AFAP1L1: variants seen among roughly 807,000 people sequenced by gnomAD.
AFAP1L1 encodes actin filament associated protein 1 like 1.
AFAP1L1 carries 77 observed loss-of-function variants against 99.8 expected under a neutral mutation model. The observed-to-expected ratio is 0.77, with a 90% CI of 0.64 to 0.93. The LOEUF (loss-of-function observed/expected upper bound fraction) is 0.93, where lower values mean the gene tolerates loss of function less well. Ranked by LOEUF, AFAP1L1 falls within the 40% of genes least tolerant of loss-of-function variation. AFAP1L1 has a pLI of 0.00. For missense variants in AFAP1L1, 893 were observed against 996.8 expected, an observed-to-expected ratio of 0.90 and a Z score of 1.40; for synonymous variants, 373 against 395.3, an observed-to-expected ratio of 0.94 and a Z score of 0.67.
Position 149,320,783 on chromosome 5 carries a change from C to T in AFAP1L1, c.1698+320C>T, listed in dbSNP as rs1190473716. On this transcript the variant is annotated intron_variant, in intron 14 of 18. Transcript: ENST00000296721. This position sits in a 1 kb window ranked among gnomAD's most constrained non-coding sequence, Gnocchi z 4.0. Reference sequence around the variant, plus strand: ...CTCCTCCTGTTTACCACTCTGTGAACTTATCCTGCTGATTCCGTGGTGTCT... The same window carrying T: ...CTCCTCCTGTTTACCACTCTGTGAATTTATCCTGCTGATTCCGTGGTGTCT... 2.0e-5 allele frequency among the ~76,000 whole-genome samples: 3 copies of T among 152,232 alleles called. No individual in the cohort carries two copies. The highest frequency in any genetic ancestry group is 2.9e-5 in the Non-Finnish European group (2 of 68,048).
chr5:149,298,207 T>C (rs1561666753), intron 1 of AFAP1L1, among the ~76,000 whole-genome samples: 1 of 152,188 alleles, frequency 6.6e-6, no homozygotes, highest in African/African-American at 2.4e-5. Context: ...GAACAGCACA[T>C]GGAGTTAGGA....
At position 149,320,467 on chromosome 5, in the gene AFAP1L1, C is replaced by T; in HGVS notation, c.1698+4C>T. On this transcript the variant is annotated splice_donor_region_variant and intron_variant, in intron 14 of 18. Transcript: ENST00000296721. The surrounding 1 kb of genome is among the most constrained non-coding windows in gnomAD (Gnocchi z 4.0). ...TGTTCCTTATGAAAAGATGCAGGTA[C>T]AGTCCCTTGGGGCTGCCCAGGAATG... is the stretch of plus-strand genomic sequence containing the variant. 6.2e-7 allele frequency: 1 copy of T among 1,614,140 alleles called. No homozygotes were observed. Among genetic ancestry groups the T allele is most frequent in the Non-Finnish European group, 8.5e-7 (1 of 1,179,992 alleles).
intron 12 of AFAP1L1, among the ~76,000 whole-genome samples, chr5:149,318,907 A>G (rs1036293134): frequency 2.6e-5 from 4 of 151,452 alleles, no homozygotes; most frequent in African/African-American, 9.7e-5. Context: ...TCTGCCCAAG[A>G]CCCCCTGCCT....
intron 8 of AFAP1L1, among the ~76,000 whole-genome samples, chr5:149,311,060 C>G (rs1346608925): frequency 6.6e-6 from 1 of 152,056 alleles, no homozygotes; most frequent in South Asian, 2.1e-4. Context: ...GATGCCCCAC[C>G]CCCCATTCCT....
At chr5:149,282,177 G>A (rs1755538797) in intron 1 of AFAP1L1, among the ~76,000 whole-genome samples, 1 of 152,192 alleles carries the variant, frequency 6.6e-6, no homozygotes, top group Admixed American at 6.5e-5. Flanking sequence ...CTGCGGCAGG[G>A]GCAGAATGTG....
chr5:149,324,788 C>T (rs950135225), intron 15 of AFAP1L1, among the ~76,000 whole-genome samples: 3 of 152,134 alleles, frequency 2.0e-5, no homozygotes, highest in African/African-American at 7.2e-5. Context: ...TGGAAGGAGG[C>T]CTCAGTTCTT....
At chr5:149,275,840 G>T (rs1405505397) in intron 1 of AFAP1L1, among the ~76,000 whole-genome samples, 1 of 152,102 alleles carries the variant, frequency 6.6e-6, no homozygotes, top group East Asian at 1.9e-4. Flanking sequence ...AGTCCTATTG[G>T]ATTAGAGCTC....
At chr5:149,315,186 G>A (rs1367017849) in intron 9 of AFAP1L1, among the ~76,000 whole-genome samples, 1 of 152,136 alleles carries the variant, frequency 6.6e-6, no homozygotes, top group Non-Finnish European at 1.5e-5. Flanking sequence ...ACTAATTTGG[G>A]CTGGCAATGA....
In AFAP1L1 at chr5:149,340,458, A is replaced by AGTT. The variant is rs941527363; in HGVS notation, c.*429_*430insTTG. ...ATTGGTGGTGCAGTGTAAAGAGACA[A>AGTT]GACCTGATCATCTGATCACACTTGT... On this transcript the variant is annotated 3_prime_UTR_variant, in exon 19 of 19. Transcript: ENST00000296721. 1.8e-5 allele frequency: 3 copies of AGTT among 168,636 alleles called. No homozygotes were observed. The highest frequency in any genetic ancestry group is 3.9e-5 in the Non-Finnish European group (3 of 77,206). 10.4% of individuals were successfully genotyped at this position (168,636 alleles called of 1,614,324 possible).
intron 7 of AFAP1L1, among the ~76,000 whole-genome samples, chr5:149,309,640 T>A (rs189717312): frequency 5.6e-4 from 85 of 152,372 alleles, no homozygotes; most frequent in African/African-American, 1.9e-3. Flanking sequence ...GATTTTTAAC[T>A]GGCTTCCTCC....
chr5:149,312,388 C>A, intron 9 of AFAP1L1, 184 bp downstream of exon 9: 1 of 670,800 alleles, frequency 1.5e-6, no homozygotes, highest in Non-Finnish European at 2.7e-6. Context: ...AATGCATGAA[C>A]AAACGAGTGC....
intron 1 of AFAP1L1, among the ~76,000 whole-genome samples, chr5:149,282,823 A>G (rs1755562308): frequency 6.6e-6 from 1 of 152,232 alleles, no homozygotes; most frequent in Non-Finnish European, 1.5e-5. Flanking sequence ...CCAAGGAATG[A>G]AGCACTGTCC....
intron 18 of AFAP1L1, 25 bp from the exon 19 acceptor site, chr5:149,339,982 T>C (rs754766602): frequency 1.2e-6 from 2 of 1,613,788 alleles, no homozygotes; most frequent in Non-Finnish European, 1.7e-6. Context: ...AGCAAATTGA[T>C]TTGTCTTCTC....
intron 1 of AFAP1L1, among the ~76,000 whole-genome samples, chr5:149,277,333 C>T (rs989315339): frequency 1.3e-5 from 2 of 152,182 alleles, no homozygotes; most frequent in African/African-American, 4.8e-5. Context: ...TTTCATTGCT[C>T]AACAGATGAT....
intron 9 of AFAP1L1, among the ~76,000 whole-genome samples, chr5:149,312,547 C>T (rs749157652): frequency 8.5e-5 from 13 of 152,080 alleles, no homozygotes; most frequent in Non-Finnish European, 1.9e-4. Flanking sequence ...TTTGGGAGGC[C>T]AAGGTGGGCA....
chr5:149,324,230 A>G (rs995430742), intron 15 of AFAP1L1, among the ~76,000 whole-genome samples: 2 of 152,238 alleles, frequency 1.3e-5, no homozygotes, highest in African/African-American at 4.8e-5. Context: ...CTTATAAATA[A>G]CAGAAATTTA....
intron 1 of AFAP1L1, among the ~76,000 whole-genome samples, chr5:149,285,654 C>T (rs945547351): frequency 6.6e-6 from 1 of 152,158 alleles, no homozygotes; most frequent in Admixed American, 6.5e-5. Context: ...GAAAGGGACA[C>T]CTATCTGCCT....
intron 15 of AFAP1L1, among the ~76,000 whole-genome samples, chr5:149,325,426 AG>A (rs1385053129): frequency 6.6e-6 from 1 of 152,210 alleles, no homozygotes; most frequent in Non-Finnish European, 1.5e-5. Flanking sequence ...GCTAAATTCT[AG>A]GTGATTGCAG....
At position 149,315,692 on chromosome 5, in the gene AFAP1L1, T is replaced by G. The variant is rs1233649873; in HGVS notation, c.1021-129T>G. The G allele has an allele frequency of 1.2e-5, 9 of 755,622 alleles. No individual in the cohort carries two copies. In the East Asian group the frequency reaches 2.2e-4, roughly 18 times the overall value. 46.8% of individuals were successfully genotyped at this position (755,622 alleles called of 1,614,324 possible). A position where few individuals can be genotyped will look rare whatever the true frequency, so the allele number is the denominator to read the frequency against. The stretch of plus-strand genomic sequence containing the variant: ...TGGTATGGTATGAGGCACAGGATAG[T>G]TGCTGACAAACATTTGTTAGCTAAT... On this transcript the variant is annotated intron_variant, in intron 9 of 18. Coordinates refer to ENST00000296721, the MANE Select transcript of AFAP1L1 (RefSeq NM_152406.4).
Sources: gnomAD v4.1 joint callset for allele counts (sites outside exome capture counted in the v4.1 genomes callset) on GRCh38, gnomAD v4.1.1 for gene constraint, Gnocchi (gnomAD v3.1) non-coding constraint, MANE v1.5 for transcripts, NCBI Gene and HGNC (gene_info 2026-07-23, HGNC 2026-07-21) for gene names.